MYT1L: variants seen among roughly 807,000 people sequenced by gnomAD.
MYT1L encodes the protein myelin transcription factor 1 like, also known as myelin transcription factor 1-like protein.
In MYT1L, 12 loss-of-function variants were observed where a neutral mutation model predicts 126.7. That is an observed-to-expected ratio of 0.09 (90% CI 0.06 to 0.15). The LOEUF is 0.15. Among genes scored for constraint, MYT1L ranks in the 10% least tolerant of loss-of-function variants. MYT1L has a pLI of 1.00. For missense variants in MYT1L, 979 were observed against 1,585.2 expected, an observed-to-expected ratio of 0.62 and a Z score of 6.49; for synonymous variants, 541 against 604.2, an observed-to-expected ratio of 0.90 and a Z score of 1.53.
At chr2:2,193,668 A>G (rs1251648086) in intron 2 of MYT1L, among the ~76,000 whole-genome samples, 7 of 152,218 alleles carry the variant, frequency 4.6e-5, no homozygotes, top group African/African-American at 1.7e-4. Context: ...AAGAGTGAGA[A>G]TTGAAAATAA....
intron 21 of MYT1L, among the ~76,000 whole-genome samples, chr2:1,835,863 C>T (rs1012408020): frequency 3.9e-5 from 6 of 152,174 alleles, no homozygotes; most frequent in African/African-American, 9.7e-5. Flanking sequence ...CAGCAGGAGC[C>T]GCCCCTGGCA....
rs116082722 is a variant in MYT1L, at chr2:2,156,439, C to T, written c.-304+16433G>A. ...TCAACGTAGCTGCCAGCTGTATCCT[C>T]GCATAGCAAGAGAGCACAAGGCACT... On this transcript the variant is annotated intron_variant, in intron 3 of 24. Transcript: ENST00000647738. Among the ~76,000 whole-genome samples the T allele has an allele frequency of 1.5e-4, 23 of 152,300 alleles. No homozygotes were observed. In the East Asian group the frequency reaches 2.5e-3, roughly 17 times the overall value.
chr2:2,065,643 G>A (rs1243208660), intron 3 of MYT1L, among the ~76,000 whole-genome samples: 1 of 152,132 alleles, frequency 6.6e-6, no homozygotes, highest in Non-Finnish European at 1.5e-5. Flanking sequence ...TGAGCGTCTT[G>A]CTTCCTTGCA....
chr2:2,162,280 G>A (rs1255941213), intron 3 of MYT1L, among the ~76,000 whole-genome samples: 1 of 151,736 alleles, frequency 6.6e-6, no homozygotes, highest in East Asian at 1.9e-4. Context: ...AGGTGGGAAT[G>A]CAGGTGGTGC....
chr2:2,128,299 A>G (rs148292848), intron 3 of MYT1L, among the ~76,000 whole-genome samples: 1,890 of 152,170 alleles, frequency 0.012, 27 homozygotes, highest in African/African-American at 0.043. Flanking sequence ...GGCACCCAAC[A>G]CCACGCCTGG....
chr2:1,853,248 C>T (rs1423166760), intron 18 of MYT1L, among the ~76,000 whole-genome samples: 1 of 152,192 alleles, frequency 6.6e-6, no homozygotes, highest in Non-Finnish European at 1.5e-5. Flanking sequence ...GTGCTCCCAT[C>T]ACTGCTCTTC....
intron 2 of MYT1L, among the ~76,000 whole-genome samples, chr2:2,270,510 A>G (rs2095241947): frequency 1.3e-5 from 2 of 152,196 alleles, no homozygotes; most frequent in Non-Finnish European, 2.9e-5. Flanking sequence ...TCACTGAATC[A>G]GAGGTCTGTT....
intron 19 of MYT1L, among the ~76,000 whole-genome samples, chr2:1,846,519 A>G (rs1296551734): frequency 6.6e-6 from 1 of 151,950 alleles, no homozygotes; most frequent in Non-Finnish European, 1.5e-5. Flanking sequence ...GGGTGAGCAC[A>G]CGGACAGAGC....
chr2:1,980,532 T>TCCACTCATA (rs2060527349), intron 5 of MYT1L, among the ~76,000 whole-genome samples: 1 of 152,096 alleles, frequency 6.6e-6, no homozygotes, highest in South Asian at 2.1e-4. Context: ...ATCTAGACCT[T>TCCACTCATA]CCACTCATAG....
At chr2:2,314,251 A>G (rs894642033) in intron 1 of MYT1L, among the ~76,000 whole-genome samples, 1 of 152,208 alleles carries the variant, frequency 6.6e-6, no homozygotes, top group African/African-American at 2.4e-5. Flanking sequence ...ACTGCCTGCC[A>G]TATATATTTA....
chr2:2,226,766 C>G (rs1292493497), intron 2 of MYT1L, among the ~76,000 whole-genome samples: 1 of 152,162 alleles, frequency 6.6e-6, no homozygotes, highest in African/African-American at 2.4e-5. Flanking sequence ...TGCCTCCTCT[C>G]CCACCATCTG....
chr2:2,114,937 C>A (rs756612776), intron 3 of MYT1L, among the ~76,000 whole-genome samples: 2 of 152,214 alleles, frequency 1.3e-5, no homozygotes, highest in Non-Finnish European at 2.9e-5. Flanking sequence ...TCAGAAGATC[C>A]ACCCACTATT....
At chr2:2,167,247 A>G (rs2089296493) in intron 3 of MYT1L, among the ~76,000 whole-genome samples, 1 of 152,186 alleles carries the variant, frequency 6.6e-6, no homozygotes, top group South Asian at 2.1e-4. Context: ...GGGTGAGTGT[A>G]GAATTTGTAT....
intron 3 of MYT1L, among the ~76,000 whole-genome samples, chr2:2,094,931 T>C (rs2077283215): frequency 6.6e-6 from 1 of 152,190 alleles, no homozygotes; most frequent in South Asian, 2.1e-4. Flanking sequence ...AAAAAAAAGA[T>C]TATCAGAAAC....
chr2:2,073,517 T>C (rs1354789025), intron 3 of MYT1L, among the ~76,000 whole-genome samples: 1 of 152,144 alleles, frequency 6.6e-6, no homozygotes, highest in Non-Finnish European at 1.5e-5. Flanking sequence ...GGCATCAACA[T>C]TAGGATGAAG....
chr2:2,030,817 C>G (rs1221831736), intron 4 of MYT1L, among the ~76,000 whole-genome samples: 1 of 152,170 alleles, frequency 6.6e-6, no homozygotes. Context: ...AGTTGTGCAG[C>G]CAGTGGTCCT....
At chr2:2,280,456 C>T (rs1449639852) in intron 2 of MYT1L, among the ~76,000 whole-genome samples, 1 of 152,150 alleles carries the variant, frequency 6.6e-6, no homozygotes, top group African/African-American at 2.4e-5. Context: ...GTTCACCTGC[C>T]CATTCCATAT....
At chr2:2,087,502 G>T (rs2076476423) in intron 3 of MYT1L, among the ~76,000 whole-genome samples, 1 of 152,096 alleles carries the variant, frequency 6.6e-6, no homozygotes. Flanking sequence ...GCTGCTGAGG[G>T]GATCACACAG....
At chr2:2,118,751 A>G (rs1047350710) in intron 3 of MYT1L, among the ~76,000 whole-genome samples, 11 of 152,244 alleles carry the variant, frequency 7.2e-5, no homozygotes, top group Non-Finnish European at 1.2e-4. Context: ...AATTTTAAAA[A>G]TCTAAATTTA....
Sources: gnomAD v4.1 joint callset for allele counts (sites outside exome capture counted in the v4.1 genomes callset) on GRCh38, gnomAD v4.1.1 for gene constraint, MANE v1.5 for transcripts, NCBI Gene and HGNC (gene_info 2026-07-23, HGNC 2026-07-21) for gene names.